The following CLIC5 variants were observed in gnomAD, a reference collection of about 807,000 sequenced individuals.
The protein encoded by CLIC5 is chloride intracellular channel protein 5.
In CLIC5, 20 loss-of-function variants were observed where a neutral mutation model predicts 24.7. That is an observed-to-expected ratio of 0.81 (90% confidence interval 0.57 to 1.18). CLIC5 has a LOEUF of 1.18. CLIC5 is among the 50% of genes most tolerant of loss of function. The pLI is 0.00. For synonymous variants in CLIC5, 159 were observed against 135.6 expected (o/e 1.17, Z -1.20); for missense variants, 341 against 326.1 (o/e 1.05, Z -0.35).
At chr6:46,053,300 T>C (rs1377719269) in intron 1 of CLIC5, among the ~76,000 whole-genome samples, 12 of 151,990 alleles carry the variant, frequency 7.9e-5, no homozygotes, top group Admixed American at 5.9e-4. Flanking sequence ...GGACAACCAA[T>C]AAATAAAGCA....
chr6:46,112,898 A>C, the CLIC5 span, among the ~76,000 whole-genome samples: 12 of 152,276 alleles, frequency 7.9e-5, no homozygotes, highest in African/African-American at 2.4e-4. Flanking sequence ...CTCTACTTAA[A>C]ATATAAAAAT....
At chr6:45,893,925 C>G (rs1186673349), downstream of CLIC5, among the ~76,000 whole-genome samples, 1 of 152,182 alleles carries the variant, frequency 6.6e-6, no homozygotes, top group East Asian at 1.9e-4. Context: ...GTTTTGCCAT[C>G]TACTTCAAAA....
At chr6:46,057,737 C>T (rs1326639678) in intron 1 of CLIC5, among the ~76,000 whole-genome samples, 2 of 152,202 alleles carry the variant, frequency 1.3e-5, no homozygotes, top group Non-Finnish European at 2.9e-5. Context: ...ATCCCCACCC[C>T]TACAAACTAG....
At chr6:46,023,293 T>A (rs1767236484) in intron 1 of CLIC5, among the ~76,000 whole-genome samples, 1 of 152,148 alleles carries the variant, frequency 6.6e-6, no homozygotes, top group South Asian at 2.1e-4. Flanking sequence ...GCTCACTTCA[T>A]TTCTATAATA....
At chr6:46,013,746 C>T (rs1248468837) in intron 1 of CLIC5, among the ~76,000 whole-genome samples, 2 of 152,198 alleles carry the variant, frequency 1.3e-5, no homozygotes, top group Non-Finnish European at 2.9e-5. Flanking sequence ...CAAAGGGCTC[C>T]TTTGGTTCTA....
intron 4 of CLIC5, among the ~76,000 whole-genome samples, chr6:45,927,346 G>GCT (rs1430531908): frequency 6.6e-6 from 1 of 152,080 alleles, no homozygotes; most frequent in Non-Finnish European, 1.5e-5. Flanking sequence ...TCGCCTGGGA[G>GCT]CTCTCAGGCC....
At chr6:45,954,795 G>A (rs948315714) in intron 2 of CLIC5, among the ~76,000 whole-genome samples, 4 of 152,182 alleles carry the variant, frequency 2.6e-5, no homozygotes, top group Admixed American at 6.5e-5. Context: ...AGGGTCCCAC[G>A]GATGATGGCC....
intron 1 of CLIC5, among the ~76,000 whole-genome samples, chr6:45,999,599 A>T (rs938455287): frequency 6.6e-6 from 1 of 152,078 alleles, no homozygotes; most frequent in Non-Finnish European, 1.5e-5. Flanking sequence ...CACTCCCGAG[A>T]GAATAAGGCC....
At chr6:45,881,293 T>G (rs1762260806) in intron 6 of CLIC5, 1 of 396,150 alleles carries the variant, frequency 2.5e-6, no homozygotes, top group Non-Finnish European at 4.4e-6. Flanking sequence ...TATTACTGAT[T>G]TCAAGTTATG....
intron 5 of CLIC5, chr6:45,913,705 G>A: frequency 1.0e-6 from 1 of 987,892 alleles, no homozygotes; most frequent in South Asian, 5.1e-5. Flanking sequence ...TGCAATGATA[G>A]CAAGAAAGTG....
downstream of CLIC5, among the ~76,000 whole-genome samples, chr6:45,898,189 C>T (rs1395801104): frequency 6.6e-6 from 1 of 152,178 alleles, no homozygotes; most frequent in Non-Finnish European, 1.5e-5. Flanking sequence ...TCTCCTGCCT[C>T]AGCCTCCAAA....
intron 1 of CLIC5, among the ~76,000 whole-genome samples, chr6:46,031,240 C>A (rs939462018): frequency 2.0e-5 from 3 of 152,150 alleles, no homozygotes; most frequent in African/African-American, 7.2e-5. Flanking sequence ...GGATCCCTTG[C>A]CCCTCATCCT....
At chr6:46,015,943 C>A, upstream of CLIC5, 7 of 987,564 alleles carry the variant, frequency 7.1e-6, no homozygotes, top group South Asian at 9.4e-5. Flanking sequence ...GGGGACACCC[C>A]GGCAGCTCGG....
the CLIC5 span, among the ~76,000 whole-genome samples, chr6:46,125,832 A>G: frequency 6.6e-6 from 1 of 152,162 alleles, no homozygotes; most frequent in African/African-American, 2.4e-5. Flanking sequence ...CAATTGCCAA[A>G]TAGGTAAGCT....
At chr6:46,091,051 C>T in the CLIC5 span, among the ~76,000 whole-genome samples, 2 of 152,182 alleles carry the variant, frequency 1.3e-5, no homozygotes, top group Non-Finnish European at 2.9e-5. Flanking sequence ...CACATGGCAG[C>T]GCGAAGTTGC....
rs555517880 is a variant in CLIC5 at position 45,956,027 on chromosome 6, C to G, written c.64-783G>C. 2.6e-5 allele frequency among the ~76,000 whole-genome samples: 4 copies of G among 152,132 alleles called. No homozygotes were observed. In the South Asian group the frequency reaches 6.2e-4, roughly 24 times the overall value. Reference sequence around the variant, plus strand: ...TCTGTAGGTGGGCTTGGGGATAAGACAGGAACATATGTAAAAATAACAGAA... The same window carrying G: ...TCTGTAGGTGGGCTTGGGGATAAGAGAGGAACATATGTAAAAATAACAGAA... On this transcript the variant is annotated intron_variant, in intron 1 of 5. Coordinates refer to ENST00000339561, the MANE Select transcript of CLIC5 (RefSeq NM_016929.5).
At chr6:46,020,357 TA>T (rs935140924), upstream of CLIC5, among the ~76,000 whole-genome samples, 10 of 152,136 alleles carry the variant, frequency 6.6e-5, no homozygotes, top group African/African-American at 2.4e-4. Flanking sequence ...CAAGGATTAT[TA>T]AAAAATATTT....
At chr6:45,940,787 C>T (rs941519370) in intron 4 of CLIC5, among the ~76,000 whole-genome samples, 17 of 152,198 alleles carry the variant, frequency 1.1e-4, no homozygotes, top group African/African-American at 3.4e-4. Context: ...TAGCCTGTTC[C>T]TCCTGGGCCT....
chr6:45,972,017 T>A (rs1428765841), intron 1 of CLIC5, among the ~76,000 whole-genome samples: 2 of 152,130 alleles, frequency 1.3e-5, no homozygotes, highest in Admixed American at 1.3e-4. Flanking sequence ...CCAGACACAT[T>A]TACTCTAGTT....
Sources: gnomAD v4.1 joint callset for allele counts (sites outside exome capture counted in the v4.1 genomes callset) on GRCh38, gnomAD v4.1.1 for gene constraint, MANE v1.5 for transcripts, NCBI Gene and HGNC (gene_info 2026-07-23, HGNC 2026-07-21) for gene names.